Variants in GPR143 observed in about 807,000 individuals in gnomAD.
GPR143 encodes G protein-coupled receptor 143.
A neutral mutation model predicts 27.6 loss-of-function variants in GPR143; 8 were observed. That is an observed-to-expected ratio of 0.29 (90% CI 0.17 to 0.52). The LOEUF is 0.52. Ranked by LOEUF, GPR143 falls within the 20% of genes least tolerant of loss-of-function variation. The pLI is 0.96. For missense variants in GPR143, 303 were observed against 343.1 expected (o/e 0.88, Z 0.92); for synonymous variants, 156 against 153.2 (o/e 1.02, Z -0.13).
At chrX:9,760,933 A>C in intron 1 of GPR143, 107 bp from the exon 2 acceptor site, 1 of 465,494 alleles carries the variant, frequency 2.1e-6, no homozygotes, top group East Asian at 4.1e-5. Flanking sequence ...ATAGGAAGAG[A>C]GGAAGGAAGA....
chrX:9,742,428 C>G (rs926486163), intron 6 of GPR143, among the ~76,000 whole-genome samples: 1 of 111,273 alleles, frequency 9.0e-6, no homozygotes, highest in Non-Finnish European at 1.9e-5. Flanking sequence ...GCCACCATTC[C>G]TGGCTAATTG....
At chrX:9,738,400 C>T (rs1410708619) in intron 8 of GPR143, 8 of 747,371 alleles carry the variant, frequency 1.1e-5, no homozygotes, top group South Asian at 6.9e-5. Flanking sequence ...CCTCATGCTT[C>T]GTGAACTATT....
At chrX:9,772,385 A>G (rs970182394) in intron 1 of GPR143, among the ~76,000 whole-genome samples, 1 of 111,768 alleles carries the variant, frequency 8.9e-6, no homozygotes, top group Non-Finnish European at 1.9e-5. Flanking sequence ...ATCACACTCC[A>G]TTTTAAATGC....
intron 8 of GPR143, among the ~76,000 whole-genome samples, chrX:9,736,660 A>C (rs1002904340): frequency 9.0e-6 from 1 of 111,409 alleles, no homozygotes; most frequent in African/African-American, 3.3e-5. Context: ...CTATCCTCAA[A>C]AACCCTGACA....
chrX:9,745,111 C>T (rs2083422585), intron 5 of GPR143, among the ~76,000 whole-genome samples: 1 of 111,223 alleles, frequency 9.0e-6, no homozygotes, highest in Non-Finnish European at 1.9e-5. Context: ...AAAAAGTAGC[C>T]GGGCGTGGTG....
chrX:9,747,931 T>A (rs1406276850), intron 4 of GPR143: 1 of 114,483 alleles, frequency 8.7e-6, no homozygotes, highest in Non-Finnish European at 1.8e-5. Flanking sequence ...ACAAAGACAC[T>A]GTCCACTTCC....
rs186055724 is a variant in GPR143, at chrX:9,759,343, C to G, written c.444G>C (p.Ser148=). The change falls in exon 3 of 9, where the codon TCG becomes TCC. Residue 148 remains serine, a synonymous_variant. Transcript: ENST00000467482. ...AVDAYLVIRR[S]AGLSTILLYH... ...TCCTCGGTGAATACCTCAGTCCTGC[C>G]GATCTCCGGATCACCAGATAAGCAT... 2 of 1,173,793 alleles carry G rather than the reference C, an allele frequency of 1.7e-6. No individual in the cohort carries two copies. Among genetic ancestry groups the G allele is most frequent in the East Asian group, 6.0e-5 (2 of 33,220 alleles).
At chrX:9,742,116 AT>A (rs1181110965) in intron 6 of GPR143, among the ~76,000 whole-genome samples, 1 of 111,627 alleles carries the variant, frequency 9.0e-6, no homozygotes, top group Non-Finnish European at 1.9e-5. Flanking sequence ...GATCAAAACA[AT>A]TTTTTCTTGC....
chrX:9,767,123 T>C (rs1478444974), upstream of GPR143, among the ~76,000 whole-genome samples: 2 of 111,357 alleles, frequency 1.8e-5, no homozygotes, highest in African/African-American at 6.5e-5. Flanking sequence ...ATTCTATACA[T>C]GTAAGTTTCC....
chrX:9,728,901 G>A (rs1402351365), intron 8 of GPR143, among the ~76,000 whole-genome samples: 1 of 110,868 alleles, frequency 9.0e-6, no homozygotes, highest in African/African-American at 3.3e-5. Flanking sequence ...TGGGCTGTGG[G>A]AGGACACGAC....
intron 4 of GPR143, 102 bp from the exon 5 acceptor site, chrX:9,746,255 G>A (rs1310731785): frequency 9.3e-6 from 5 of 538,806 alleles, no homozygotes; most frequent in Non-Finnish European, 1.7e-5. Flanking sequence ...AACAAAAAGG[G>A]AAATGCATAA....
intron 1 of GPR143, 148 bp from the exon 2 acceptor site, chrX:9,760,974 G>A (rs949173866): frequency 4.9e-5 from 21 of 431,024 alleles, no homozygotes; most frequent in Non-Finnish European, 6.6e-5. Context: ...AGGGAGAGAG[G>A]GAGGGAAAAA....
intron 3 of GPR143, among the ~76,000 whole-genome samples, chrX:9,757,658 A>G (rs1396675245): frequency 9.0e-6 from 1 of 111,594 alleles, no homozygotes; most frequent in African/African-American, 3.3e-5. Flanking sequence ...AAAATGGTGT[A>G]ACATCGATAA....
intron 1 of GPR143, among the ~76,000 whole-genome samples, chrX:9,763,946 A>G (rs762269808): frequency 2.7e-4 from 31 of 112,853 alleles, no homozygotes; most frequent in East Asian, 1.1e-3. Flanking sequence ...ATTTGTAGAC[A>G]TTAACATTTA....
intron 5 of GPR143, among the ~76,000 whole-genome samples, chrX:9,744,114 A>G (rs998324481): frequency 1.8e-5 from 2 of 111,449 alleles, no homozygotes; most frequent in African/African-American, 6.5e-5. Flanking sequence ...AGGTGGGTGG[A>G]TCATTTGAGG....
chrX:9,737,157 C>G (rs1205725250), intron 8 of GPR143, among the ~76,000 whole-genome samples: 1 of 111,441 alleles, frequency 9.0e-6, no homozygotes, highest in Non-Finnish European at 1.9e-5. Flanking sequence ...AAAACACACA[C>G]ACAAAACCAA....
upstream of GPR143, among the ~76,000 whole-genome samples, chrX:9,769,039 C>T (rs990898469): frequency 2.7e-5 from 3 of 111,655 alleles, no homozygotes; most frequent in Non-Finnish European, 5.6e-5. Flanking sequence ...CAAATACACA[C>T]GCACACACTT....
chrX:9,741,283 T>C (rs1355031602), intron 7 of GPR143, 55 bp downstream of exon 7: 2 of 543,703 alleles, frequency 3.7e-6, no homozygotes, highest in Non-Finnish European at 6.2e-6. Flanking sequence ...ACCTTGTCTC[T>C]GAAGCAAATT....
chrX:9,753,024 CCTA>C (rs1186141107), intron 3 of GPR143, among the ~76,000 whole-genome samples: 1 of 110,639 alleles, frequency 9.0e-6, no homozygotes, highest in Admixed American at 9.7e-5. Context: ...AGTCTGATAA[CCTA>C]CTGAAGGGCT....
Sources: gnomAD v4.1 joint callset for allele counts (sites outside exome capture counted in the v4.1 genomes callset) on GRCh38, gnomAD v4.1.1 for gene constraint, MANE v1.5 for transcripts, NCBI Gene and HGNC (gene_info 2026-07-23, HGNC 2026-07-21) for gene names.